DDX46: variants seen among roughly 807,000 people sequenced by gnomAD.
DDX46 encodes the protein probable ATP-dependent RNA helicase DDX46.
Under a neutral mutation model 134.9 loss-of-function variants are expected in DDX46, and 30 were observed. The ratio of observed to expected loss-of-function variants is 0.22; its 90% CI spans 0.17 to 0.30. The LOEUF is 0.30. DDX46 is among the 10% of genes least tolerant of loss of function. The probability of loss-of-function intolerance (pLI) is 1.00; values close to 1 mark genes in which losing one functional copy is unlikely to be tolerated. For synonymous variants in DDX46, 415 were observed against 404.1 expected, an observed-to-expected ratio of 1.03 and a Z score of -0.32; for missense variants, 622 against 1,248.7, an observed-to-expected ratio of 0.50 and a Z score of 7.56.
intron 22 of DDX46, among the ~76,000 whole-genome samples, chr5:134,828,050 T>C (rs1185517656): frequency 1.3e-5 from 2 of 152,222 alleles, no homozygotes; most frequent in Non-Finnish European, 2.9e-5. Context: ...AAACAATGAC[T>C]TAATTTGATT....
chr5:134,813,736 C>T (rs914596622), intron 18 of DDX46, among the ~76,000 whole-genome samples: 3 of 152,060 alleles, frequency 2.0e-5, no homozygotes, highest in Non-Finnish European at 1.5e-5. Context: ...CCACCTCAGC[C>T]TCTTGAGTAG....
chr5:134,806,175 TG>T (rs1278231233), intron 15 of DDX46, among the ~76,000 whole-genome samples: 2 of 151,572 alleles, frequency 1.3e-5, no homozygotes, highest in Non-Finnish European at 2.9e-5. Flanking sequence ...ATCACGCTAT[TG>T]CACAAGCCTG....
intron 5 of DDX46, among the ~76,000 whole-genome samples, chr5:134,774,185 C>T (rs1753863402): frequency 6.6e-6 from 1 of 152,116 alleles, no homozygotes. Flanking sequence ...GTCTAGCTAC[C>T]TCACATAAGT....
intron 15 of DDX46, among the ~76,000 whole-genome samples, chr5:134,801,753 GTT>G (rs547226337): frequency 6.6e-6 from 1 of 152,018 alleles, no homozygotes. Context: ...ATTTATCACT[GTT>G]TGTGTATCTG....
intron 1 of DDX46, among the ~76,000 whole-genome samples, chr5:134,759,891 C>G (rs1394953323): frequency 6.6e-6 from 1 of 152,164 alleles, no homozygotes; most frequent in Non-Finnish European, 1.5e-5. Context: ...GGAAGGCTGT[C>G]CAGACCAGAA....
At chr5:134,810,077 TG>T (rs1755099422) in intron 16 of DDX46, among the ~76,000 whole-genome samples, 1 of 152,078 alleles carries the variant, frequency 6.6e-6, no homozygotes, top group African/African-American at 2.4e-5. Context: ...TTTTTGGTTT[TG>T]TTTTTTACAT....
chr5:134,787,167 G>T (rs977226028), intron 11 of DDX46, among the ~76,000 whole-genome samples: 3 of 152,016 alleles, frequency 2.0e-5, no homozygotes, highest in Non-Finnish European at 4.4e-5. Flanking sequence ...CAAGCAATCT[G>T]CTTGCCTTGG....
intron 4 of DDX46, among the ~76,000 whole-genome samples, 182 bp from the exon 5 acceptor site, chr5:134,773,514 A>G (rs926778878): frequency 2.0e-5 from 3 of 152,092 alleles, no homozygotes; most frequent in African/African-American, 7.2e-5. Context: ...TTGGTAATAT[A>G]TTTGTGTGTA....
chr5:134,765,311 C>T (rs1753531873), intron 2 of DDX46, among the ~76,000 whole-genome samples: 1 of 148,908 alleles, frequency 6.7e-6, no homozygotes, highest in Non-Finnish European at 1.5e-5. Context: ...TTTGGGAGGC[C>T]AAGGTGGGTG....
intron 4 of DDX46, among the ~76,000 whole-genome samples, chr5:134,772,892 C>G (rs866344137): frequency 6.6e-6 from 1 of 152,110 alleles, no homozygotes; most frequent in Admixed American, 6.6e-5. Context: ...ACCTCTGCCT[C>G]CTGAGTCGAA....
intron 1 of DDX46, 42 bp downstream of exon 1, chr5:134,758,997 T>C (rs781535329): frequency 1.2e-6 from 2 of 1,604,540 alleles, no homozygotes; most frequent in South Asian, 2.2e-5. Flanking sequence ...GAGCGGCTTC[T>C]TGGGGTCGTG....
chr5:134,790,501 T>C lies in DDX46; in HGVS notation c.1575T>C (p.Tyr525=), dbSNP rs1754469472. ...GRVTNLRRVT[Y]VVLDEADRMF... is the part of the protein sequence containing the mutation. The stretch of plus-strand genomic sequence containing the variant: ...TCACAAATCTTCGAAGAGTGACATA[T>C]GTTGTTTTAGATGAAGCAGACAGAA... Residue 525 remains tyrosine, a synonymous_variant, in exon 13 of 23, where the codon TAT becomes TAC. Transcript: ENST00000452510. 2 of 1,613,370 alleles carry C rather than the reference T, an allele frequency of 1.2e-6. No individual in the cohort carries two copies. Among genetic ancestry groups the C allele is most frequent in the Non-Finnish European group, 1.7e-6 (2 of 1,179,866 alleles).
intron 1 of DDX46, 129 bp downstream of exon 1, chr5:134,759,084 C>A: frequency 1.4e-6 from 2 of 1,412,322 alleles, no homozygotes; most frequent in Non-Finnish European, 1.9e-6. Context: ...GCCCCGCGAG[C>A]ATTGGAAGGG....
intron 6 of DDX46, 146 bp downstream of exon 6, chr5:134,777,871 TACCA>T (rs1364167211): frequency 1.5e-5 from 13 of 839,390 alleles, no homozygotes; most frequent in East Asian, 8.6e-5. Context: ...TTTTTCTGAG[TACCA>T]GAGATACTGG....
At chr5:134,773,136 T>G (rs554046279) in intron 4 of DDX46, among the ~76,000 whole-genome samples, 4 of 151,936 alleles carry the variant, frequency 2.6e-5, no homozygotes, top group Admixed American at 2.6e-4. Flanking sequence ...AGAGTCTCCC[T>G]TTGTTGCTGA....
At chr5:134,774,464 A>G in intron 5 of DDX46, among the ~76,000 whole-genome samples, 1 of 152,176 alleles carries the variant, frequency 6.6e-6, no homozygotes, top group East Asian at 1.9e-4. Context: ...AGTTCTGTGA[A>G]CTATATACCC....
chr5:134,824,247 C>T (rs925838995), intron 21 of DDX46, among the ~76,000 whole-genome samples: 3 of 152,096 alleles, frequency 2.0e-5, no homozygotes, highest in African/African-American at 7.2e-5. Flanking sequence ...AAGCAAGTCT[C>T]CTCAGTAAAA....
intron 16 of DDX46, 25 bp from the exon 17 acceptor site, chr5:134,811,196 A>G (rs761727631): frequency 3.4e-5 from 55 of 1,608,590 alleles, no homozygotes; most frequent in Non-Finnish European, 4.3e-5. Flanking sequence ...GTGTCTAATA[A>G]TTGTACTTTT....
intron 5 of DDX46, among the ~76,000 whole-genome samples, chr5:134,774,977 T>C (rs1446478971): frequency 2.0e-5 from 3 of 152,034 alleles, no homozygotes; most frequent in African/African-American, 7.2e-5. Context: ...TACAGGCACC[T>C]GCCACCATGC....
Sources: allele counts gnomAD v4.1 joint callset (sites outside exome capture counted in the v4.1 genomes callset), GRCh38; gene constraint gnomAD v4.1.1; transcripts MANE v1.5; gene names NCBI Gene and HGNC (gene_info 2026-07-23, HGNC 2026-07-21).